The following APBB1 variants were observed in gnomAD, a reference collection of about 807,000 sequenced individuals.
The protein encoded by APBB1 is adaptor protein FE65a2.
APBB1 carries 22 observed loss-of-function variants against 78.4 expected under a neutral mutation model. The observed-to-expected ratio is 0.28, with a 90% confidence interval of 0.20 to 0.40. APBB1 has a LOEUF of 0.40. Among genes scored for constraint, APBB1 ranks in the 10% least tolerant of loss-of-function variants. The pLI, the probability that APBB1 is intolerant of heterozygous loss-of-function variation, is 1.00. For synonymous variants in APBB1, 369 were observed against 372.7 expected, an observed-to-expected ratio of 0.99 and a Z score of 0.12; for missense variants, 749 against 932.4, an observed-to-expected ratio of 0.80 and a Z score of 2.56.
intron 12 of APBB1, among the ~76,000 whole-genome samples, chr11:6,399,544 T>C (rs574657807): frequency 1.3e-5 from 2 of 152,312 alleles, no homozygotes; most frequent in South Asian, 4.1e-4. Context: ...CGCACTCTTC[T>C]TCAGCTCCAT....
rs755338164 is a variant in APBB1, at chr11:6,411,107, C to T, written c.241G>A (p.Ala81Thr). 30 of 1,612,196 alleles carry T rather than the reference C, an allele frequency of 1.9e-5. No homozygotes were observed. Among genetic ancestry groups the T allele is most frequent in the Admixed American group, 5.0e-5 (3 of 60,004 alleles). ...KEGQNQLRRAATAHRDQNRNV... is the reference protein window; with the variant it reads ...KEGQNQLRRATTAHRDQNRNV... ...CGATTCTGGTCACGGTGGGCCGTGG[C>T]GGCCCGCCGGAGCTGGTTCTGGCCC... Residue 81 changes from alanine to threonine, a missense_variant, in exon 2 of 15, where the codon GCC becomes ACC. By Grantham distance (58) the Ala-to-Thr change is moderately conservative. Coordinates refer to ENST00000609360, the MANE Select transcript of APBB1 (RefSeq NM_001164.5). The surrounding 1 kb of genome is among the most constrained non-coding windows in gnomAD (Gnocchi z 5.2).
In APBB1 at chr11:6,395,809, C is replaced by T; in HGVS notation, c.1942G>A (p.Glu648Lys). The change falls in exon 14 of 15, where the codon GAG (glutamate) becomes AAG (lysine). Residue 648 changes from glutamate to lysine, a missense_variant. By Grantham distance (56) the Glu-to-Lys change is moderately conservative. Transcript: ENST00000609360. The surrounding 1 kb of genome is among the most constrained non-coding windows in gnomAD (Gnocchi z 5.2). ...ACCATGCACGCAGCCTGCACAGCCT[C>T]TGAGAGGCTGGCAGCATTGGGCTCG... The part of the protein sequence containing the change: ...WCEPNAASLS[E>K]AVQAACMLRY... 6.2e-7 allele frequency: 1 copy of T among 1,614,090 alleles called. No homozygotes were observed. The highest frequency in any genetic ancestry group is 1.3e-5 in the African/African-American group (1 of 75,008).
rs1848553510 is a variant in APBB1, at chr11:6,402,138, C to T, written c.1326G>A (p.Leu442=). 6.2e-7 allele frequency: 1 copy of T among 1,614,006 alleles called. No individual in the cohort carries two copies. Reference sequence around the variant, plus strand: ...GGATGCTGATGATGGGTTGGGCGTGCAGCAGTGCCTGGCTCTGTGGCTCCA... The same window carrying T: ...GGATGCTGATGATGGGTTGGGCGTGTAGCAGTGCCTGGCTCTGTGGCTCCA... ...KLVEPQSQAL[L]HAQPIISIRV... is the part of the protein sequence containing the mutation. Residue 442 remains leucine (L), a synonymous_variant, in exon 8 of 15, where the codon CTG becomes CTA. Coordinates refer to ENST00000609360, the MANE Select transcript of APBB1 (RefSeq NM_001164.5).
At chr11:6,414,985 G>A (rs890998040) in intron 1 of APBB1, among the ~76,000 whole-genome samples, 9 of 152,180 alleles carry the variant, frequency 5.9e-5, no homozygotes, top group Non-Finnish European at 1.2e-4. Context: ...GGGCAGCCCC[G>A]CCAATCTGGT....
intron 1 of APBB1, among the ~76,000 whole-genome samples, chr11:6,416,680 T>A (rs1849125145): frequency 6.6e-6 from 1 of 152,170 alleles, no homozygotes; most frequent in African/African-American, 2.4e-5. Flanking sequence ...TGAGAAAAAT[T>A]TCTGGACTTC....
intron 2 of APBB1, among the ~76,000 whole-genome samples, chr11:6,407,151 G>C (rs928969979): frequency 6.6e-6 from 1 of 152,104 alleles, no homozygotes. Context: ...AACCTTCTCT[G>C]CAGCCCTCAT....
intron 12 of APBB1, among the ~76,000 whole-genome samples, chr11:6,400,498 C>T (rs969563107): frequency 6.6e-6 from 1 of 150,554 alleles, no homozygotes; most frequent in Admixed American, 6.6e-5. Context: ...GCTAAGATCA[C>T]GCCACCGCAC....
intron 2 of APBB1, chr11:6,405,566 C>T (rs1307463438): frequency 1.1e-5 from 11 of 985,884 alleles, no homozygotes; most frequent in Admixed American, 6.1e-5. Context: ...CAACCAGACA[C>T]AGCAGGGCTG....
chr11:6,408,519 T>C (rs1410467380), intron 2 of APBB1, among the ~76,000 whole-genome samples: 3 of 151,894 alleles, frequency 2.0e-5, no homozygotes, highest in Admixed American at 2.0e-4. Context: ...TTTTTTTTTT[T>C]TTGAGAAGGA....
intron 2 of APBB1, chr11:6,404,208 G>T: frequency 2.5e-6 from 1 of 403,186 alleles, no homozygotes; most frequent in East Asian, 4.0e-5. Flanking sequence ...TGTATACACA[G>T]ACACACAACA....
intron 2 of APBB1, among the ~76,000 whole-genome samples, chr11:6,410,180 T>C (rs1055869023): frequency 3.3e-5 from 5 of 152,128 alleles, no homozygotes; most frequent in Admixed American, 3.3e-4. Flanking sequence ...AGCTCAGGCC[T>C]GGACTGAGAC....
rs1015935339 is a variant in APBB1, at chr11:6,402,497, G to C, written c.1254+79C>G. 2.0e-6 allele frequency: 3 copies of C among 1,464,224 alleles called. No homozygotes were observed. In the African/African-American group the frequency reaches 4.2e-5, roughly 20 times the overall value. 90.7% of individuals were successfully genotyped at this position (1,464,224 alleles called of 1,614,324 possible). ...TCCCCCTTCCCCAGCCTGCTTGTGG[G>C]CAGGTCAGACCTCCCATCTCTCATA... is the stretch of plus-strand genomic sequence containing the variant. On this transcript the variant is annotated intron_variant, in intron 7 of 14. Transcript: ENST00000609360.
In APBB1 at chr11:6,396,186, A is replaced by T; in HGVS notation, c.1702T>A (p.Ser568Thr). 1 of 1,551,278 alleles carries T rather than the reference A, an allele frequency of 6.4e-7. No individual in the cohort carries two copies. Among genetic ancestry groups the T allele is most frequent in the South Asian group, 1.2e-5 (1 of 84,062 alleles). ...GVDVINGALE[S>T]VLSSSSREQW... ...TCACGGCTGCTGGAGGACAGGACTG[A>T]CTCGAGGGCCCCATTAATCACATCT... Residue 568 changes from serine to threonine, a missense_variant, in exon 13 of 15, where the codon TCA (serine) becomes ACA (threonine). By Grantham distance (58) the Ser-to-Thr change is moderately conservative. Around this residue, in one of 3 missense-constraint regions of APBB1, gnomAD observed 635 missense variants for 765.0 expected, o/e 0.83. Coordinates refer to ENST00000609360, the MANE Select transcript of APBB1 (RefSeq NM_001164.5).
Position 6,418,409 on chromosome 11 carries a change from G to C in APBB1, c.-15+576C>G, listed in dbSNP as rs956286793. On this transcript the variant is annotated intron_variant, in intron 1 of 14. Transcript: ENST00000609360. ...AAGCGTTGACTCTGAAGGGCGGAGAGAGCTGGGACTATAGCTAGAGGGGCT... is the reference window on the plus strand; with the variant it reads ...AAGCGTTGACTCTGAAGGGCGGAGACAGCTGGGACTATAGCTAGAGGGGCT... Among the ~76,000 whole-genome samples, 3 of 152,236 alleles carry C rather than the reference G, an allele frequency of 2.0e-5. 1 individual carries two copies. The South Asian group carries it at 6.2e-4, about 31-fold the overall frequency.
rs369980315 is a variant in APBB1, at chr11:6,403,281, T to G, written c.1040+38A>C. The G allele has an allele frequency of 6.8e-6, 11 of 1,612,626 alleles. 1 individual carries two copies. In the East Asian group the frequency reaches 1.3e-4, roughly 20 times the overall value. ...TGTCCCAAGGCCCCTTCCAGACAGA[T>G]CCATCCCACTGCCAGCTCACTGCAT... On this transcript the variant is annotated intron_variant, in intron 5 of 14. Transcript: ENST00000609360. The surrounding 1 kb of genome is among the most constrained non-coding windows in gnomAD (Gnocchi z 5.3).
rs1052402073 is a variant in APBB1, at chr11:6,417,007, G to C, written c.-15+1978C>G. Reference sequence around the variant, plus strand: ...GATCCGCCCGCCTTGGCCTCCTAAAGTGCTGGGATTACAGGCGTGAGCCAT... The same window carrying C: ...GATCCGCCCGCCTTGGCCTCCTAAACTGCTGGGATTACAGGCGTGAGCCAT... On this transcript the variant is annotated intron_variant, in intron 1 of 14. Transcript: ENST00000609360. 2.6e-5 allele frequency among the ~76,000 whole-genome samples: 4 copies of C among 152,196 alleles called. No homozygotes were observed. The East Asian group carries it at 7.7e-4, about 29-fold the overall frequency.
At position 6,413,672 on chromosome 11, in the gene APBB1, T is replaced by C. The variant is rs540704599; in HGVS notation, c.-14-2311A>G. On this transcript the variant is annotated intron_variant, in intron 1 of 14. Coordinates refer to ENST00000609360, the MANE Select transcript of APBB1 (RefSeq NM_001164.5). Reference sequence around the variant, plus strand: ...TTTAAGTAGAGATAGGGTTTCACCATGTTGGCCAGGCTGGTCTCAAACTCC... The same window carrying C: ...TTTAAGTAGAGATAGGGTTTCACCACGTTGGCCAGGCTGGTCTCAAACTCC... Among the ~76,000 whole-genome samples the C allele has an allele frequency of 2.1e-4, 32 of 151,812 alleles. No homozygotes were observed. The East Asian group carries it at 3.3e-3, about 16-fold the overall frequency.
At chr11:6,405,798 CT>C in intron 2 of APBB1, 1 of 524,100 alleles carries the variant, frequency 1.9e-6, no homozygotes, top group Non-Finnish European at 2.4e-6. Flanking sequence ...GCACCTGAAA[CT>C]TAGCTGAGGC....
At chr11:6,402,270 C>A in intron 7 of APBB1, 61 bp from the exon 8 acceptor site, 1 of 1,595,592 alleles carries the variant, frequency 6.3e-7, no homozygotes, top group Non-Finnish European at 8.5e-7. Context: ...TGATCTCTGA[C>A]CCCTGCAGCT....
Sources: allele counts gnomAD v4.1 joint callset (sites outside exome capture counted in the v4.1 genomes callset), GRCh38; gene constraint gnomAD v4.1.1; regional missense constraint gnomAD v4.1.1; non-coding constraint Gnocchi (gnomAD v3.1); transcripts MANE v1.5; gene names NCBI Gene and HGNC (gene_info 2026-07-23, HGNC 2026-07-21).